The following MOXD1 variants were observed in gnomAD, a reference collection of about 807,000 sequenced individuals.
The protein encoded by MOXD1 is monooxygenase DBH like 1, also known as DBH-like monooxygenase protein 1.
Under a neutral mutation model 66.6 loss-of-function variants are expected in MOXD1, and 62 were observed. The ratio of observed to expected loss-of-function variants is 0.93; its 90% CI spans 0.76 to 1.15. The LOEUF (loss-of-function observed/expected upper bound fraction) is 1.15. MOXD1 is among the 50% of genes most tolerant of loss of function. MOXD1 has a pLI of 0.00. For missense variants in MOXD1, 847 were observed against 754.6 expected (o/e 1.12, Z -1.44); for synonymous variants, 303 against 281.9 (o/e 1.07, Z -0.75).
At chr6:132,378,674 C>A (rs1356179456) in intron 1 of MOXD1, among the ~76,000 whole-genome samples, 1 of 151,986 alleles carries the variant, frequency 6.6e-6, no homozygotes, top group African/African-American at 2.4e-5. Context: ...AAAGTCCTTA[C>A]AAGACAAAAA....
At chr6:132,398,903 A>C (rs74370711) in intron 1 of MOXD1, among the ~76,000 whole-genome samples, 7,178 of 142,808 alleles carry the variant, frequency 0.05, 590 homozygotes, top group East Asian at 0.38. Context: ...GCACCAGTGC[A>C]ATCTAGCCTG....
At chr6:132,351,597 GT>G (rs1775804074) in intron 4 of MOXD1, among the ~76,000 whole-genome samples, 1 of 152,074 alleles carries the variant, frequency 6.6e-6, no homozygotes, top group South Asian at 2.1e-4. Context: ...TCGGTCAGTA[GT>G]TTTCTCTTTT....
intron 4 of MOXD1, among the ~76,000 whole-genome samples, chr6:132,340,137 C>T (rs1272548194): frequency 6.6e-6 from 1 of 152,110 alleles, no homozygotes; most frequent in East Asian, 1.9e-4. Flanking sequence ...CCTGCCTCAG[C>T]CTCTCAAAGT....
intron 4 of MOXD1, among the ~76,000 whole-genome samples, chr6:132,353,622 AC>A (rs1217693779): frequency 6.6e-6 from 1 of 152,030 alleles, no homozygotes; most frequent in Non-Finnish European, 1.5e-5. Context: ...CTTCATCATA[AC>A]CTGATGATGA....
intron 4 of MOXD1, among the ~76,000 whole-genome samples, chr6:132,347,478 A>T (rs552825155): frequency 6.0e-4 from 92 of 152,236 alleles, no homozygotes; most frequent in Non-Finnish European, 1.1e-3. Flanking sequence ...GAAGTTAGAG[A>T]CCAGCCTGGC....
intron 4 of MOXD1, among the ~76,000 whole-genome samples, chr6:132,344,214 T>C (rs1451418953): frequency 2.0e-5 from 3 of 152,240 alleles, no homozygotes; most frequent in African/African-American, 7.2e-5. Flanking sequence ...TTTTACAGTG[T>C]ATTTTTAAAA....
chr6:132,364,689 A>G (rs991449181), intron 4 of MOXD1, among the ~76,000 whole-genome samples: 2 of 152,228 alleles, frequency 1.3e-5, no homozygotes, highest in East Asian at 1.9e-4. Context: ...CTTAAGAGGT[A>G]TCTGAAAACT....
At chr6:132,381,308 C>T (rs1360246879) in intron 1 of MOXD1, among the ~76,000 whole-genome samples, 1 of 152,118 alleles carries the variant, frequency 6.6e-6, no homozygotes, top group Non-Finnish European at 1.5e-5. Flanking sequence ...AAGTATTCCC[C>T]AGTAGTACCT....
chr6:132,396,415 C>G (rs982206591), intron 1 of MOXD1, among the ~76,000 whole-genome samples: 10 of 151,884 alleles, frequency 6.6e-5, no homozygotes, highest in African/African-American at 2.4e-4. Flanking sequence ...GCAACAAACA[C>G]CTACATCAAA....
rs1175778425 is a variant in MOXD1 at position 132,328,067 on chromosome 6, C to T, written c.892G>A (p.Asp298Asn). 6.8e-6 allele frequency: 11 copies of T among 1,613,920 alleles called. No homozygotes were observed. Among genetic ancestry groups the T allele is most frequent in the Admixed American group, 5.0e-5 (3 of 59,992 alleles). Reference sequence around the variant, plus strand: ...ACTTCTAGGAGCACATAATGCGGATCTAATGGAGTGCCAAGGGATAATCCA... The same window carrying T: ...ACTTCTAGGAGCACATAATGCGGATTTAATGGAGTGCCAAGGGATAATCCA... ...HVGLSLGTPL[D>N]PHYVLLEVHY... Residue 298 changes from aspartate (D) to asparagine (N), a missense_variant, in exon 6 of 12, where the codon GAT (aspartate) becomes AAT (asparagine). Coordinates refer to ENST00000367963, the MANE Select transcript of MOXD1 (RefSeq NM_015529.4).
In MOXD1 at chr6:132,296,987, C is replaced by A. The variant is rs558922195; in HGVS notation, c.*166G>T. ...ATATTTCTAAGAAAGAGAAGAGAAC[C>A]TGATTGATGTCTCTCATGTAACATG... On this transcript the variant is annotated 3_prime_UTR_variant, in exon 12 of 12. Coordinates refer to ENST00000367963, the MANE Select transcript of MOXD1 (RefSeq NM_015529.4). 3 of 570,904 alleles carry A rather than the reference C, an allele frequency of 5.3e-6. No homozygotes were observed. The highest frequency in any genetic ancestry group is 3.1e-5 in the Admixed American group (1 of 32,734). 35.4% of individuals were successfully genotyped at this position (570,904 alleles called of 1,614,324 possible).
At chr6:132,315,034 C>G (rs1774910525) in intron 10 of MOXD1, among the ~76,000 whole-genome samples, 1 of 152,176 alleles carries the variant, frequency 6.6e-6, no homozygotes. Context: ...TTGACATAAA[C>G]TTTCTCTAAT....
intron 4 of MOXD1, among the ~76,000 whole-genome samples, chr6:132,369,581 C>T (rs866144951): frequency 2.6e-5 from 4 of 152,046 alleles, no homozygotes; most frequent in Non-Finnish European, 4.4e-5. Flanking sequence ...TACTCTTGTG[C>T]TTTGGGGTGC....
At chr6:132,336,961 G>A (rs1775454882) in intron 4 of MOXD1, among the ~76,000 whole-genome samples, 1 of 152,114 alleles carries the variant, frequency 6.6e-6, no homozygotes, top group Non-Finnish European at 1.5e-5. Flanking sequence ...CTGAATATGA[G>A]CTGTGAGGTT....
At chr6:132,397,612 C>CAGAG (rs58540885) in intron 1 of MOXD1, among the ~76,000 whole-genome samples, 50 of 137,268 alleles carry the variant, frequency 3.6e-4, no homozygotes, top group Admixed American at 3.0e-3. Flanking sequence ...CACACACTCA[C>CAGAG]AGAGAGAGAG....
intron 4 of MOXD1, among the ~76,000 whole-genome samples, chr6:132,357,230 G>C (rs1023590750): frequency 2.0e-5 from 3 of 151,952 alleles, no homozygotes; most frequent in African/African-American, 7.2e-5. Flanking sequence ...TTAGCACTTG[G>C]AGTAAATATA....
intron 9 of MOXD1, among the ~76,000 whole-genome samples, chr6:132,317,827 A>G (rs1774991631): frequency 6.6e-6 from 1 of 152,118 alleles, no homozygotes; most frequent in Admixed American, 6.6e-5. Flanking sequence ...AAAGGTGATT[A>G]CTATCTTAAT....
intron 1 of MOXD1, among the ~76,000 whole-genome samples, chr6:132,396,252 A>G (rs6901468): frequency 0.6 from 91,617 of 151,954 alleles, 30,103 homozygotes; most frequent in African/African-American, 0.86. Flanking sequence ...TGGAAACTGC[A>G]CAAATACATG....
chr6:132,379,711 A>T (rs561607869), intron 1 of MOXD1, among the ~76,000 whole-genome samples: 31 of 152,312 alleles, frequency 2.0e-4, no homozygotes, highest in African/African-American at 7.2e-4. Flanking sequence ...TCTTATTGTC[A>T]TTTCAAATGC....
Sources: allele counts gnomAD v4.1 joint callset (sites outside exome capture counted in the v4.1 genomes callset), GRCh38; gene constraint gnomAD v4.1.1; transcripts MANE v1.5; gene names NCBI Gene and HGNC (gene_info 2026-07-23, HGNC 2026-07-21).